The following ATE1 variants were observed in gnomAD, a reference collection of about 807,000 sequenced individuals.
ATE1 encodes arginyl-tRNA--protein transferase 1.
ATE1 carries 36 observed loss-of-function variants against 70.5 expected under a neutral mutation model. The observed-to-expected ratio is 0.51, with a 90% CI of 0.39 to 0.67. The LOEUF is 0.67. Among genes scored for constraint, ATE1 ranks in the 30% least tolerant of loss-of-function variants. ATE1 has a pLI of 0.00. For synonymous variants in ATE1, 232 were observed against 219.3 expected (o/e 1.06, Z -0.51); for missense variants, 593 against 629.5 (o/e 0.94, Z 0.62).
chr10:121,869,027 A>C (rs1949760691), intron 8 of ATE1, among the ~76,000 whole-genome samples: 2 of 152,262 alleles, frequency 1.3e-5, no homozygotes, highest in Non-Finnish European at 2.9e-5. Context: ...TGAAATAAAC[A>C]ATAGGCACAA....
intron 10 of ATE1, among the ~76,000 whole-genome samples, chr10:121,834,548 T>C (rs1253282767): frequency 6.6e-6 from 1 of 152,118 alleles, no homozygotes; most frequent in African/African-American, 2.4e-5. Context: ...CTTAAAACTA[T>C]ACACAGGCTG....
chr10:121,924,418 T>A (rs1952000911), intron 1 of ATE1, 89 bp from the exon 2 acceptor site: 1 of 1,301,498 alleles, frequency 7.7e-7, no homozygotes, highest in Non-Finnish European at 1.1e-6. Flanking sequence ...TAGGAGTGTG[T>A]GTCCGGGCAC....
At chr10:121,901,015 C>A (rs1250484400) in intron 6 of ATE1, among the ~76,000 whole-genome samples, 1 of 152,058 alleles carries the variant, frequency 6.6e-6, no homozygotes, top group Non-Finnish European at 1.5e-5. Context: ...ACCTCTAATC[C>A]CAGCACTTTG....
At chr10:121,786,506 A>C (rs972268345) in intron 11 of ATE1, among the ~76,000 whole-genome samples, 8 of 151,968 alleles carry the variant, frequency 5.3e-5, no homozygotes, top group Non-Finnish European at 1.2e-4. Flanking sequence ...CCACCTCTAC[A>C]AAAAATACCA....
At chr10:121,890,943 T>C (rs1346815823) in intron 7 of ATE1, among the ~76,000 whole-genome samples, 2 of 152,144 alleles carry the variant, frequency 1.3e-5, no homozygotes, top group Non-Finnish European at 2.9e-5. Flanking sequence ...CAAAGTCCTA[T>C]ATTATTTCAC....
intron 10 of ATE1, among the ~76,000 whole-genome samples, chr10:121,796,033 A>C (rs1038921118): frequency 6.6e-6 from 1 of 152,220 alleles, no homozygotes; most frequent in African/African-American, 2.4e-5. Flanking sequence ...AGAAGAAATG[A>C]GTTACCACAG....
intron 11 of ATE1, among the ~76,000 whole-genome samples, chr10:121,766,141 C>A: frequency 6.6e-6 from 1 of 152,276 alleles, no homozygotes; most frequent in African/African-American, 2.4e-5. Flanking sequence ...ACAAATAAGC[C>A]TTTTGTAAAA....
chr10:121,923,789 T>C (rs1330504649), intron 2 of ATE1, among the ~76,000 whole-genome samples: 2 of 152,212 alleles, frequency 1.3e-5, no homozygotes, highest in African/African-American at 4.8e-5. Flanking sequence ...TGAGACAATC[T>C]GGAAAATCTA....
intron 6 of ATE1, among the ~76,000 whole-genome samples, chr10:121,901,499 C>T (rs1950980934): frequency 1.3e-5 from 2 of 152,126 alleles, no homozygotes; most frequent in South Asian, 4.2e-4. Context: ...CTCTGTCACG[C>T]AGGCTGGAGT....
chr10:121,887,714 G>A (rs577864127), intron 7 of ATE1, among the ~76,000 whole-genome samples: 2 of 151,628 alleles, frequency 1.3e-5, no homozygotes, highest in South Asian at 2.1e-4. Flanking sequence ...CTCAAAAAAC[G>A]ATAAGAAGAA....
Position 121,790,185 on chromosome 10 carries a change from G to A in ATE1, c.1362C>T (p.Asn454=). The change falls in exon 11 of 12, where the codon AAC becomes AAT. Residue 454 remains asparagine, a synonymous_variant. Transcript: ENST00000224652. ...SLENSKYCRF[N]QDPEAVDEDR... Reference sequence around the variant, plus strand: ...CAAACATACCTGCTTCTGGGTCCTGGTTGAAACGGCAGTACTTGGAGTTTT... The same window carrying A: ...CAAACATACCTGCTTCTGGGTCCTGATTGAAACGGCAGTACTTGGAGTTTT... 1 of 1,613,996 alleles carries A rather than the reference G, an allele frequency of 6.2e-7. No homozygotes were observed. The highest frequency in any genetic ancestry group is 8.5e-7 in the Non-Finnish European group (1 of 1,179,920).
In ATE1 at chr10:121,891,472, C is replaced by G. The variant is rs533750141; in HGVS notation, c.942+8394G>C. Among the ~76,000 whole-genome samples, 4 of 152,222 alleles carry G rather than the reference C, an allele frequency of 2.6e-5. 1 individual carries two copies. The South Asian group carries it at 8.3e-4, about 32-fold the overall frequency. On this transcript the variant is annotated intron_variant, in intron 7 of 11. Transcript: ENST00000224652. Reference sequence around the variant, plus strand: ...AGCTGCCTGCATTTACATATAAAAGCTTCTAGTTTGCATATCTATGCCTGA... The same window carrying G: ...AGCTGCCTGCATTTACATATAAAAGGTTCTAGTTTGCATATCTATGCCTGA...
At chr10:121,798,342 GT>G (rs1564846554) in intron 10 of ATE1, among the ~76,000 whole-genome samples, 1 of 152,124 alleles carries the variant, frequency 6.6e-6, no homozygotes, top group South Asian at 2.1e-4. Flanking sequence ...TCAATTTAAA[GT>G]TTTTTTGAAT....
chr10:121,769,908 T>C (rs1281271922), intron 11 of ATE1, among the ~76,000 whole-genome samples: 2 of 152,214 alleles, frequency 1.3e-5, no homozygotes, highest in East Asian at 3.9e-4. Flanking sequence ...TCCATTGTTG[T>C]TGGGAATGTA....
chr10:121,895,424 A>G (rs984434204), intron 7 of ATE1, among the ~76,000 whole-genome samples: 2 of 151,570 alleles, frequency 1.3e-5, no homozygotes, highest in Non-Finnish European at 2.9e-5. Flanking sequence ...CCTGGCCAAC[A>G]TGGCGAAACC....
intron 8 of ATE1, among the ~76,000 whole-genome samples, chr10:121,845,842 GCA>G (rs748964007): frequency 5.3e-4 from 80 of 152,274 alleles, no homozygotes; most frequent in Non-Finnish European, 1.0e-3. Flanking sequence ...TAGTATAGAT[GCA>G]CAGTTACACA....
At chr10:121,748,726 G>T (rs1186994889) in intron 11 of ATE1, among the ~76,000 whole-genome samples, 1 of 151,514 alleles carries the variant, frequency 6.6e-6, no homozygotes, top group Non-Finnish European at 1.5e-5. Context: ...CCATAATAAA[G>T]TATCTTATAA....
chr10:121,743,751 C>T lies in ATE1; in HGVS notation c.1486G>A (p.Ala496Thr), dbSNP rs919278695. The T allele has an allele frequency of 3.7e-6, 6 of 1,613,970 alleles. 1 individual carries two copies. The highest frequency in any genetic ancestry group is 3.3e-5 in the South Asian group (3 of 91,072). The change falls in exon 12 of 12, where the codon GCT (alanine) becomes ACT (threonine). Residue 496 changes from alanine to threonine, a missense_variant. This residue lies in a region of ATE1 where 90 missense variants were observed against 93.7 expected (regional missense o/e 0.96). Coordinates refer to ENST00000224652, the MANE Select transcript of ATE1 (RefSeq NM_001001976.3). Reference protein sequence around the residue: ...KKQQKDPSEEAAVLQYASLVG... With the variant: ...KKQQKDPSEETAVLQYASLVG... ...AGGCTGGCGTACTGCAGAACAGCAG[C>T]CTCCTCACTTGGGTCTTTCTGCTGT...
At chr10:121,768,163 T>C (rs1460351888) in intron 11 of ATE1, among the ~76,000 whole-genome samples, 1 of 152,116 alleles carries the variant, frequency 6.6e-6, no homozygotes, top group Non-Finnish European at 1.5e-5. Context: ...AGACAGAAAG[T>C]AGAATGGTGG....
Sources: allele counts gnomAD v4.1 joint callset (sites outside exome capture counted in the v4.1 genomes callset), GRCh38; gene constraint gnomAD v4.1.1; regional missense constraint gnomAD v4.1.1; transcripts MANE v1.5; gene names NCBI Gene and HGNC (gene_info 2026-07-23, HGNC 2026-07-21).